Variants in TRIQK observed in about 807,000 individuals in gnomAD.
TRIQK encodes the protein triple QxxK/R motif containing.
TRIQK carries 10 observed loss-of-function variants against 10.8 expected under a neutral mutation model. The observed-to-expected ratio is 0.92, with a 90% CI of 0.57 to 1.57. The LOEUF (loss-of-function observed/expected upper bound fraction) is 1.57. Ranked by LOEUF, TRIQK falls within the 40% of genes most tolerant of loss-of-function variation. The probability of loss-of-function intolerance (pLI) is 0.00; values close to 1 mark genes in which losing one functional copy is unlikely to be tolerated. For missense variants in TRIQK, 107 were observed against 97.7 expected (o/e 1.09, Z -0.40); for synonymous variants, 33 against 33.7 (o/e 0.98, Z 0.07).
At chr8:92,971,894 A>G (rs1250577019) in intron 1 of TRIQK, among the ~76,000 whole-genome samples, 1 of 152,196 alleles carries the variant, frequency 6.6e-6, no homozygotes, top group Non-Finnish European at 1.5e-5. Flanking sequence ...CCAACTTCAA[A>G]CTATATTTTC....
intron 2 of TRIQK, among the ~76,000 whole-genome samples, chr8:92,950,959 T>C (rs568784621): frequency 1.3e-5 from 2 of 152,246 alleles, no homozygotes; most frequent in Non-Finnish European, 1.5e-5. Flanking sequence ...GTGCTAGAAT[T>C]CCTTACATAA....
intron 1 of TRIQK, among the ~76,000 whole-genome samples, chr8:93,006,735 C>A (rs1813276806): frequency 6.6e-6 from 1 of 152,182 alleles, no homozygotes; most frequent in Non-Finnish European, 1.5e-5. Flanking sequence ...CGGCTGTGGC[C>A]CATCTTGGCC....
At chr8:92,898,714 CAG>C (rs1394456631) in intron 3 of TRIQK, among the ~76,000 whole-genome samples, 1 of 151,170 alleles carries the variant, frequency 6.6e-6, no homozygotes, top group Non-Finnish European at 1.5e-5. Flanking sequence ...CTGAGTCAAA[CAG>C]AGGTTGCTGC....
chr8:92,893,242 A>C (rs1816848846), intron 3 of TRIQK, among the ~76,000 whole-genome samples: 1 of 152,064 alleles, frequency 6.6e-6, no homozygotes. Flanking sequence ...TATCTTTAAA[A>C]TTTCATACAG....
chr8:92,939,627 G>A (rs73309447), intron 2 of TRIQK, among the ~76,000 whole-genome samples: 5 of 152,222 alleles, frequency 3.3e-5, no homozygotes, highest in African/African-American at 1.2e-4. Context: ...AAGCAAAGGG[G>A]CTATACCTAT....
intron 2 of TRIQK, among the ~76,000 whole-genome samples, chr8:92,942,572 C>T (rs959414493): frequency 2.6e-5 from 4 of 152,110 alleles, no homozygotes; most frequent in African/African-American, 7.2e-5. Flanking sequence ...AATTAAAAGG[C>T]CTCCAAGTTG....
chr8:92,988,147 A>G (rs1227893831), intron 1 of TRIQK, among the ~76,000 whole-genome samples: 2 of 150,650 alleles, frequency 1.3e-5, no homozygotes, highest in East Asian at 2.0e-4. Flanking sequence ...AGTAGCTGGG[A>G]CTACAGGCGC....
intron 1 of TRIQK, among the ~76,000 whole-genome samples, chr8:92,976,076 T>C (rs1024761328): frequency 1.3e-5 from 2 of 151,984 alleles, no homozygotes; most frequent in Non-Finnish European, 2.9e-5. Context: ...TATTTTATTA[T>C]ATAGGTTTTC....
intron 1 of TRIQK, among the ~76,000 whole-genome samples, chr8:93,004,480 C>T (rs998367685): frequency 3.9e-5 from 6 of 152,214 alleles, no homozygotes; most frequent in African/African-American, 1.2e-4. Flanking sequence ...CTGTGAAATG[C>T]CCTGGAGGTA....
intron 1 of TRIQK, among the ~76,000 whole-genome samples, chr8:92,959,458 T>C (rs16915393): frequency 0.04 from 5,888 of 148,860 alleles, 406 homozygotes; most frequent in African/African-American, 0.14. Context: ...GTCTGGGGTA[T>C]ACCATCAGTT....
intron 3 of TRIQK, among the ~76,000 whole-genome samples, chr8:92,911,393 C>T (rs1404834013): frequency 2.0e-5 from 3 of 150,742 alleles, no homozygotes; most frequent in African/African-American, 7.3e-5. Context: ...AGACAGGAAA[C>T]GATTAACAAA....
chr8:92,938,525 T>TCATA (rs1811110944), intron 2 of TRIQK, among the ~76,000 whole-genome samples: 2 of 152,280 alleles, frequency 1.3e-5, no homozygotes, highest in Admixed American at 1.3e-4. Context: ...CTTAGATGTA[T>TCATA]CGTTTTGTAA....
At chr8:92,913,370 G>A (rs1336130230) in intron 3 of TRIQK, among the ~76,000 whole-genome samples, 2 of 152,150 alleles carry the variant, frequency 1.3e-5, no homozygotes, top group Non-Finnish European at 2.9e-5. Context: ...ATGAAAAAAA[G>A]CTCAGCCTCA....
intron 2 of TRIQK, among the ~76,000 whole-genome samples, chr8:92,924,801 A>G (rs1810363224): frequency 6.6e-6 from 1 of 152,026 alleles, no homozygotes; most frequent in Admixed American, 6.6e-5. Flanking sequence ...TAATAGTATT[A>G]TCATATTGTC....
intron 4 of TRIQK, among the ~76,000 whole-genome samples, chr8:92,890,332 A>T (rs1816699064): frequency 6.6e-6 from 1 of 151,796 alleles, no homozygotes; most frequent in South Asian, 2.1e-4. Context: ...TTTGTTTTCC[A>T]CAGGTTTACA....
At chr8:92,967,689 G>A (rs144553421), upstream of TRIQK, among the ~76,000 whole-genome samples, 18 of 151,836 alleles carry the variant, frequency 1.2e-4, no homozygotes, top group African/African-American at 3.9e-4. Flanking sequence ...AGGCATGGTG[G>A]CAGGCACCTG....
At chr8:93,015,594 T>A (rs1813377709) in intron 1 of TRIQK, among the ~76,000 whole-genome samples, 1 of 151,998 alleles carries the variant, frequency 6.6e-6, no homozygotes, top group African/African-American at 2.4e-5. Flanking sequence ...CTTTTGCTGT[T>A]CAGGATGCTA....
intron 1 of TRIQK, among the ~76,000 whole-genome samples, chr8:93,017,307 C>A (rs1380036858): frequency 6.6e-6 from 1 of 152,070 alleles, no homozygotes; most frequent in Non-Finnish European, 1.5e-5. Flanking sequence ...AAGAAATAAA[C>A]GAACAAGCAA....
At chr8:92,907,130 A>C (rs1261311051) in intron 3 of TRIQK, among the ~76,000 whole-genome samples, 5 of 152,176 alleles carry the variant, frequency 3.3e-5, no homozygotes, top group Non-Finnish European at 7.3e-5. Flanking sequence ...GTAGGGATTG[A>C]CATAAGTTGA....
Sources: gnomAD v4.1 joint callset for allele counts (sites outside exome capture counted in the v4.1 genomes callset) on GRCh38, gnomAD v4.1.1 for gene constraint, MANE v1.5 for transcripts, NCBI Gene and HGNC (gene_info 2026-07-23, HGNC 2026-07-21) for gene names.